The following CENPK variants were observed in gnomAD, a reference collection of about 807,000 sequenced individuals.
CENPK encodes centromere protein K.
Under a neutral mutation model 40.9 loss-of-function variants are expected in CENPK, and 46 were observed. That is an observed-to-expected ratio of 1.13 (90% CI 0.89 to 1.44). The LOEUF (loss-of-function observed/expected upper bound fraction) is 1.44, where lower values mean the gene tolerates loss of function less well. CENPK is among the 40% of genes most tolerant of loss of function. The pLI is 0.00. For synonymous variants in CENPK, 107 were observed against 104.4 expected (o/e 1.02, Z -0.15); for missense variants, 288 against 303.5 (o/e 0.95, Z 0.38).
downstream of CENPK, among the ~76,000 whole-genome samples, chr5:65,512,951 A>G (rs1161891161): frequency 2.6e-5 from 4 of 152,102 alleles, no homozygotes; most frequent in African/African-American, 4.8e-5. Flanking sequence ...CAACTTTTTC[A>G]TGCTTATTTG....
the CENPK span, among the ~76,000 whole-genome samples, chr5:65,510,618 TACAA>T: frequency 1.3e-5 from 2 of 151,856 alleles, no homozygotes; most frequent in East Asian, 1.9e-4. Flanking sequence ...CTACCAAAAA[TACAA>T]ACAATTAGGC....
At chr5:65,512,468 A>ACT in the CENPK span, among the ~76,000 whole-genome samples, 1 of 152,346 alleles carries the variant, frequency 6.6e-6, no homozygotes, top group East Asian at 1.9e-4. Context: ...TCCAACAACC[A>ACT]CTACCCCAAT....
chr5:65,556,830 T>C (rs1028488444), intron 2 of CENPK, among the ~76,000 whole-genome samples: 2 of 152,210 alleles, frequency 1.3e-5, no homozygotes, highest in Admixed American at 1.3e-4. Flanking sequence ...TTTTTTTTAC[T>C]GTACCGTTTC....
intron 1 of CENPK, among the ~76,000 whole-genome samples, chr5:65,562,407 A>G (rs1752156293): frequency 6.6e-6 from 1 of 152,182 alleles, no homozygotes. Flanking sequence ...AATAAAATAA[A>G]GTGCCTACTA....
chr5:65,561,597 AACAC>A (rs10560318), intron 1 of CENPK, 33 bp from the exon 2 acceptor site: 182,588 of 380,880 alleles, frequency 0.48, 43,561 homozygotes, highest in Non-Finnish European at 0.51. Flanking sequence ...GTTTAATTAA[AACAC>A]ACACACACAC....
the CENPK span, among the ~76,000 whole-genome samples, chr5:65,498,801 C>T: frequency 6.6e-6 from 1 of 151,614 alleles, no homozygotes; most frequent in African/African-American, 2.4e-5. Flanking sequence ...GGACTACAGG[C>T]ACACGACACC....
the CENPK span, among the ~76,000 whole-genome samples, chr5:65,511,837 T>C: frequency 1.3e-5 from 2 of 152,154 alleles, no homozygotes; most frequent in South Asian, 2.1e-4. Flanking sequence ...CATGGAAAAA[T>C]TGTCTTCTAC....
In CENPK at chr5:65,544,713, A is replaced by G. The variant is rs151188825; in HGVS notation, c.242-1865T>C. ...ACTATTCAGCCTTAAAAAAGGAAGG[A>G]AATTCTAACGTGCTACAACATGGAA... On this transcript the variant is annotated intron_variant, in intron 5 of 10. Transcript: ENST00000396679. 7.3e-3 allele frequency among the ~76,000 whole-genome samples: 1,116 copies of G among 152,344 alleles called. 16 individuals are homozygous for G. The highest frequency in any genetic ancestry group is 0.025 in the African/African-American group (1,055 of 41,572).
intron 5 of CENPK, among the ~76,000 whole-genome samples, chr5:65,548,172 C>T (rs1749349190): frequency 6.6e-6 from 1 of 152,134 alleles, no homozygotes; most frequent in Admixed American, 6.6e-5. Flanking sequence ...TCTAGACCAC[C>T]ACACTAAAGC....
chr5:65,510,669 G>A, the CENPK span, among the ~76,000 whole-genome samples: 20 of 152,006 alleles, frequency 1.3e-4, no homozygotes, highest in Admixed American at 9.8e-4. Context: ...CCAGCTACTC[G>A]GGAGGCTGAG....
chr5:65,522,876 C>T (rs1441158670), intron 9 of CENPK, among the ~76,000 whole-genome samples: 1 of 152,178 alleles, frequency 6.6e-6, no homozygotes, highest in African/African-American at 2.4e-5. Context: ...AAAAAAAGAA[C>T]ACCCACTTTC....
At chr5:65,507,285 T>C in the CENPK span, among the ~76,000 whole-genome samples, 2 of 152,176 alleles carry the variant, frequency 1.3e-5, no homozygotes, top group Non-Finnish European at 2.9e-5. Context: ...CCTCAGAAGA[T>C]ACATAATAAG....
intron 2 of CENPK, chr5:65,561,074 G>C (rs1751868998): frequency 6.6e-6 from 1 of 152,012 alleles, no homozygotes; most frequent in Admixed American, 6.6e-5. Context: ...CTAGGGTTAT[G>C]ACAATTAAAT....
intron 3 of CENPK, among the ~76,000 whole-genome samples, chr5:65,553,878 T>C (rs747945150): frequency 1.3e-5 from 2 of 152,224 alleles, no homozygotes; most frequent in Non-Finnish European, 2.9e-5. Flanking sequence ...CCAAACCGCA[T>C]ATCTGATCAT....
In CENPK at chr5:65,528,443, A is replaced by G; in HGVS notation, c.597+9T>C. On this transcript the variant is annotated intron_variant, in intron 9 of 10. Coordinates refer to ENST00000396679, the MANE Select transcript of CENPK (RefSeq NM_022145.5). ...GATAATTTACATAAATGTCTTCTCT[A>G]AAACTTACCTTTTTCTTTTTAACAC... 6.3e-7 allele frequency: 1 copy of G among 1,581,208 alleles called. No homozygotes were observed. The highest frequency in any genetic ancestry group is 8.5e-7 in the Non-Finnish European group (1 of 1,171,220).
the CENPK span, among the ~76,000 whole-genome samples, chr5:65,497,496 G>GCAA: frequency 6.6e-6 from 1 of 152,176 alleles, no homozygotes; most frequent in African/African-American, 2.4e-5. Flanking sequence ...AGGAGAAAGA[G>GCAA]CAACAGAATG....
rs563133730 is a variant in CENPK at position 65,522,853 on chromosome 5, G to T, written c.598-1325C>A. On this transcript the variant is annotated intron_variant, in intron 9 of 10. Transcript: ENST00000396679. The stretch of plus-strand genomic sequence containing the variant: ...TCCCACAATGATCTAGGTGTGATTT[G>T]ACTACCAAAGACAAAAAAAGAACAC... 7.2e-5 allele frequency among the ~76,000 whole-genome samples: 11 copies of T among 152,198 alleles called. No homozygotes were observed. The South Asian group carries it at 1.9e-3, about 26-fold the overall frequency.
intron 9 of CENPK, among the ~76,000 whole-genome samples, chr5:65,528,153 A>T (rs1745064465): frequency 6.6e-6 from 1 of 152,180 alleles, no homozygotes; most frequent in Admixed American, 6.6e-5. Context: ...AGGCACAAGA[A>T]TCACTTGAAC....
chr5:65,538,644 A>G (rs919268912), intron 6 of CENPK, among the ~76,000 whole-genome samples: 2 of 152,152 alleles, frequency 1.3e-5, no homozygotes, highest in African/African-American at 4.8e-5. Context: ...AAAACTAGGG[A>G]CCTCTGCAGA....
Sources: allele counts gnomAD v4.1 joint callset (sites outside exome capture counted in the v4.1 genomes callset), GRCh38; gene constraint gnomAD v4.1.1; transcripts MANE v1.5; gene names NCBI Gene and HGNC (gene_info 2026-07-23, HGNC 2026-07-21).